The following SNX25 variants were observed in gnomAD, a reference collection of about 807,000 sequenced individuals.
The protein encoded by SNX25 is sorting nexin-25.
SNX25 carries 62 observed loss-of-function variants against 113.7 expected under a neutral mutation model. The observed-to-expected ratio is 0.55, with a 90% CI of 0.44 to 0.67. The LOEUF is 0.67. SNX25 is among the 30% of genes least tolerant of loss of function. SNX25 has a pLI of 0.00. For synonymous variants in SNX25, 421 were observed against 436.2 expected, an observed-to-expected ratio of 0.97 and a Z score of 0.43; for missense variants, 1,014 against 1,161.0, an observed-to-expected ratio of 0.87 and a Z score of 1.84.
intron 16 of SNX25, among the ~76,000 whole-genome samples, chr4:185,360,105 T>A (rs1400161911): frequency 6.6e-6 from 1 of 152,220 alleles, no homozygotes; most frequent in Non-Finnish European, 1.5e-5. Context: ...CAGATCTAAA[T>A]CAGTAGAAAA....
In SNX25 at chr4:185,310,626, C is replaced by A. The variant is rs781635829; in HGVS notation, c.1163-9C>A. The A allele has an allele frequency of 1.7e-5, 27 of 1,611,086 alleles. No homozygotes were observed. The highest frequency in any genetic ancestry group is 3.4e-6 in the Non-Finnish European group (4 of 1,178,480). On this transcript the variant is annotated splice_polypyrimidine_tract_variant and intron_variant, in intron 6 of 18. Coordinates refer to ENST00000652585, the MANE Select transcript of SNX25 (RefSeq NM_001378034.2). Reference sequence around the variant, plus strand: ...TCTGACCAGGTACTGTTTCTCACTCCTATTCAAGGTAAAGAAACTGCGGCA... The same window carrying A: ...TCTGACCAGGTACTGTTTCTCACTCATATTCAAGGTAAAGAAACTGCGGCA...
At chr4:185,332,792 G>GT (rs1197394729) in intron 10 of SNX25, 33 bp downstream of exon 10, 1 of 1,598,084 alleles carries the variant, frequency 6.3e-7, no homozygotes, top group African/African-American at 1.3e-5. Context: ...GTCTTTGAAA[G>GT]TTAACATTTG....
At chr4:185,312,151 G>A (rs1260381723) in intron 7 of SNX25, among the ~76,000 whole-genome samples, 1 of 152,042 alleles carries the variant, frequency 6.6e-6, no homozygotes, top group Admixed American at 6.6e-5. Context: ...TTTGTCTTAT[G>A]TCCCATTCAT....
chr4:185,278,385 C>A (rs1049418351), intron 5 of SNX25, among the ~76,000 whole-genome samples: 4 of 152,226 alleles, frequency 2.6e-5, no homozygotes, highest in African/African-American at 9.6e-5. Flanking sequence ...CTTTTTGAAG[C>A]TGCATGACCT....
upstream of SNX25, among the ~76,000 whole-genome samples, chr4:185,207,499 T>G (rs188175389): frequency 1.3e-5 from 2 of 152,288 alleles, no homozygotes; most frequent in African/African-American, 4.8e-5. Context: ...ATTACAAGCT[T>G]GAGCCACCAC....
At chr4:185,337,426 T>G (rs1354224121) in intron 10 of SNX25, among the ~76,000 whole-genome samples, 1 of 152,230 alleles carries the variant, frequency 6.6e-6, no homozygotes, top group Admixed American at 6.5e-5. Flanking sequence ...AGAATTTCAT[T>G]GCTTTTTAAG....
At chr4:185,303,911 C>G (rs77451560) in intron 6 of SNX25, among the ~76,000 whole-genome samples, 3,930 of 152,164 alleles carry the variant, frequency 0.026, 154 homozygotes, top group African/African-American at 0.091. Context: ...AAGGACATAC[C>G]AGCCTCAGGT....
intron 9 of SNX25, among the ~76,000 whole-genome samples, chr4:185,332,218 A>C (rs1220654428): frequency 6.6e-6 from 1 of 152,128 alleles, no homozygotes; most frequent in Non-Finnish European, 1.5e-5. Context: ...ATAATAGGAG[A>C]CTGGAAAGAA....
chr4:185,377,826 T>C, the SNX25 span: 1 of 360,294 alleles, frequency 2.8e-6, no homozygotes, highest in Non-Finnish European at 5.0e-6. Flanking sequence ...GACATCTGCT[T>C]TCTGTTTTCT....
At chr4:185,371,526 A>G (rs1466623784), downstream of SNX25, among the ~76,000 whole-genome samples, 9 of 137,690 alleles carry the variant, frequency 6.5e-5, no homozygotes, top group South Asian at 1.2e-3. Flanking sequence ...TGGGCAACAG[A>G]GCGAGACTCC....
At chr4:185,267,212 GT>G in intron 5 of SNX25, 57 bp downstream of exon 5, 1 of 1,416,780 alleles carries the variant, frequency 7.1e-7, no homozygotes, top group Non-Finnish European at 9.6e-7. Flanking sequence ...CCCCTGCCTA[GT>G]TAGGTTAAAA....
intron 1 of SNX25, among the ~76,000 whole-genome samples, chr4:185,217,123 G>A (rs549352164): frequency 2.6e-5 from 4 of 152,126 alleles, no homozygotes; most frequent in African/African-American, 2.4e-5. Flanking sequence ...ATATGTGATT[G>A]GGGTGGACTT....
chr4:185,259,730 A>G (rs867005769), intron 3 of SNX25, among the ~76,000 whole-genome samples: 11 of 152,204 alleles, frequency 7.2e-5, no homozygotes, highest in South Asian at 2.1e-4. Flanking sequence ...TCTAACTGCA[A>G]TGAGTAGCCT....
Position 185,363,420 on chromosome 4 carries a change from T to C in SNX25, c.2970T>C (p.Pro990=). 1.2e-6 allele frequency: 2 copies of C among 1,614,176 alleles called. No homozygotes were observed. Among genetic ancestry groups the C allele is most frequent in the Non-Finnish European group, 1.7e-6 (2 of 1,180,018 alleles). Residue 990 remains proline, a synonymous_variant, in exon 19 of 19, where the codon CCT becomes CCC. Transcript: ENST00000652585. This position sits in a 1 kb window ranked among gnomAD's most constrained non-coding sequence, Gnocchi z 4.2. The part of the protein sequence containing the change: ...LMELLLIELC[P]ELRVHLDQLK... ...AACTGCTGCTAATTGAACTGTGTCC[T>C]GAGCTGAGAGTTCATTTAGATCAAC...
chr4:185,233,924 C>G (rs1214508127), intron 1 of SNX25, among the ~76,000 whole-genome samples: 1 of 152,126 alleles, frequency 6.6e-6, no homozygotes, highest in African/African-American at 2.4e-5. Flanking sequence ...GTGGCGCGAT[C>G]TTGGCTCACT....
chr4:185,271,545 G>A (rs115800786), intron 5 of SNX25, among the ~76,000 whole-genome samples: 537 of 152,264 alleles, frequency 3.5e-3, no homozygotes, highest in African/African-American at 0.012. Context: ...CACCGTGCCC[G>A]GCCTGGAACT....
downstream of SNX25, chr4:185,370,767 A>C: frequency 6.2e-7 from 1 of 1,614,106 alleles, no homozygotes; most frequent in East Asian, 2.2e-5. Context: ...ACAGTCTGTG[A>C]CCTGGGCGAT....
At chr4:185,228,734 G>T (rs1291856821) in intron 1 of SNX25, among the ~76,000 whole-genome samples, 1 of 152,022 alleles carries the variant, frequency 6.6e-6, no homozygotes, top group Non-Finnish European at 1.5e-5. Flanking sequence ...GCGATAAAAG[G>T]TTTGGAAAAA....
At chr4:185,209,378 A>T (rs545604728), upstream of SNX25, 1 of 152,538 alleles carries the variant, frequency 6.6e-6, no homozygotes, top group Admixed American at 6.5e-5. The surrounding 1 kb of genome is among the most constrained non-coding windows in gnomAD (Gnocchi z 5.2). Flanking sequence ...TTTTCCATGA[A>T]CAGACGGCAT....
Sources: gnomAD v4.1 joint callset for allele counts (sites outside exome capture counted in the v4.1 genomes callset) on GRCh38, gnomAD v4.1.1 for gene constraint, Gnocchi (gnomAD v3.1) non-coding constraint, MANE v1.5 for transcripts, NCBI Gene and HGNC (gene_info 2026-07-23, HGNC 2026-07-21) for gene names.